Variants in CREBRF observed in about 807,000 individuals in gnomAD.
CREBRF encodes the protein UPF0474 protein C5orf41.
CREBRF carries 5 observed loss-of-function variants against 66.1 expected under a neutral mutation model. The ratio of observed to expected loss-of-function variants is 0.08; its 90% CI spans 0.04 to 0.16. The LOEUF (loss-of-function observed/expected upper bound fraction) is 0.16, where lower values mean the gene tolerates loss of function less well. Ranked by LOEUF, CREBRF falls within the 10% of genes least tolerant of loss-of-function variation. The pLI, the probability that CREBRF is intolerant of heterozygous loss-of-function variation, is 1.00. For missense variants in CREBRF, 531 were observed against 744.9 expected (o/e 0.71, Z 3.34); for synonymous variants, 229 against 264.4 (o/e 0.87, Z 1.30).
At chr5:173,061,756 G>A (rs1274435100) in intron 1 of CREBRF, among the ~76,000 whole-genome samples, 2 of 152,190 alleles carry the variant, frequency 1.3e-5, no homozygotes, top group Non-Finnish European at 2.9e-5. Flanking sequence ...GGCCCAAAAA[G>A]ATACAGGTTA....
At chr5:173,073,980 A>AAAATAAATAAATAAATAAATAAAT (rs56812993) in intron 1 of CREBRF, among the ~76,000 whole-genome samples, 1 of 149,948 alleles carries the variant, frequency 6.7e-6, no homozygotes, top group Admixed American at 6.6e-5. Context: ...ATAAAAAATA[A>AAAATAAATAAATAAATAAATAAAT]AAATAAATAA....
At chr5:173,057,314 A>C (rs1018517010) in intron 1 of CREBRF, 1 of 151,734 alleles carries the variant, frequency 6.6e-6, no homozygotes, top group Non-Finnish European at 1.5e-5. Flanking sequence ...ATGGGAGGGG[A>C]CCAGTGGTGG....
chr5:173,101,302 CT>C (rs1758622552), intron 4 of CREBRF, among the ~76,000 whole-genome samples: 1 of 152,094 alleles, frequency 6.6e-6, no homozygotes, highest in Non-Finnish European at 1.5e-5. Flanking sequence ...AGCATTTTAC[CT>C]GCCTTGGCCT....
At chr5:173,069,598 A>T (rs1757540414) in intron 1 of CREBRF, among the ~76,000 whole-genome samples, 1 of 152,142 alleles carries the variant, frequency 6.6e-6, no homozygotes, top group South Asian at 2.1e-4. Flanking sequence ...CAGGGATTAC[A>T]GGCGTGAGCC....
chr5:173,081,478 A>G (rs1757940068), intron 2 of CREBRF, among the ~76,000 whole-genome samples: 1 of 152,118 alleles, frequency 6.6e-6, no homozygotes, highest in South Asian at 2.1e-4. Flanking sequence ...CCTAGAAGTA[A>G]TGAGTGGGCA....
intron 7 of CREBRF, among the ~76,000 whole-genome samples, chr5:173,121,079 TTTC>T (rs933472577): frequency 6.6e-6 from 1 of 152,158 alleles, no homozygotes; most frequent in Admixed American, 6.5e-5. Context: ...AGCACCATAT[TTTC>T]TTATTATCCT....
chr5:173,129,778 C>T (rs1361034250), intron 8 of CREBRF, among the ~76,000 whole-genome samples: 5 of 149,272 alleles, frequency 3.3e-5, no homozygotes, highest in African/African-American at 4.9e-5. Flanking sequence ...TAAAATGTAA[C>T]TTAATTTTAA....
intron 1 of CREBRF, among the ~76,000 whole-genome samples, chr5:173,077,707 T>C (rs528426047): frequency 2.6e-5 from 4 of 152,152 alleles, no homozygotes; most frequent in Non-Finnish European, 5.9e-5. Flanking sequence ...AGAACACTTT[T>C]ATCATCCCAA....
At chr5:173,099,965 A>T (rs1758575262) in intron 4 of CREBRF, among the ~76,000 whole-genome samples, 1 of 142,552 alleles carries the variant, frequency 7.0e-6, no homozygotes, top group African/African-American at 2.6e-5. Context: ...GTCTTGGCTC[A>T]CTGCAACCTT....
chr5:173,096,117 T>C (rs772706030), intron 4 of CREBRF, among the ~76,000 whole-genome samples: 4 of 152,072 alleles, frequency 2.6e-5, no homozygotes, highest in East Asian at 1.9e-4. Context: ...TACAGGTGCC[T>C]GCCACCAAAC....
chr5:173,120,284 T>C (rs1461727900), intron 7 of CREBRF, among the ~76,000 whole-genome samples: 2 of 152,166 alleles, frequency 1.3e-5, no homozygotes, highest in Admixed American at 6.5e-5. Context: ...CTGGGTTCTT[T>C]TTTTGGGGAA....
chr5:173,090,365 G>T lies in CREBRF; in HGVS notation c.186G>T (p.Leu62Phe), dbSNP rs200282773. 2.3e-5 allele frequency: 37 copies of T among 1,609,182 alleles called. No individual in the cohort carries two copies. Among genetic ancestry groups the T allele is most frequent in the Non-Finnish European group, 2.9e-5 (34 of 1,175,926 alleles). The change falls in exon 4 of 9, where the codon TTG becomes TTT. Residue 62 changes from leucine to phenylalanine, a missense_variant. Leu to Phe is a conservative substitution (Grantham distance 22). Around this residue, in one of 5 missense-constraint regions of CREBRF, gnomAD observed 133 missense variants for 215.6 expected, o/e 0.62. Transcript: ENST00000296953. This position sits in a 1 kb window ranked among gnomAD's most constrained non-coding sequence, Gnocchi z 4.5. ...ATCCTAGAGACAACTTTCTTTCTTT[G>T]GAGGACTGCAAAGACATTGAAAATC... ...QQNPRDNFLSLEDCKDIENLE... is the reference protein window; with the variant it reads ...QQNPRDNFLSFEDCKDIENLE...
chr5:173,107,858 G>A (rs565408049), intron 4 of CREBRF, among the ~76,000 whole-genome samples: 8 of 144,328 alleles, frequency 5.5e-5, no homozygotes, highest in East Asian at 4.0e-4. Flanking sequence ...CAGAGTGAGC[G>A]TCTCATTCTG....
At chr5:173,082,515 AAGAT>A (rs1757986778) in intron 2 of CREBRF, among the ~76,000 whole-genome samples, 1 of 152,092 alleles carries the variant, frequency 6.6e-6, no homozygotes, top group Admixed American at 6.6e-5. Flanking sequence ...CGGTTTGTGA[AAGAT>A]AGAAAGTATA....
chr5:173,090,952 A>C lies in CREBRF; in HGVS notation c.773A>C (p.Asp258Ala), dbSNP rs1758309446. 1.2e-6 allele frequency: 2 copies of C among 1,614,088 alleles called. No individual in the cohort carries two copies. The highest frequency in any genetic ancestry group is 1.7e-6 in the Non-Finnish European group (2 of 1,180,044). The stretch of plus-strand genomic sequence containing the variant: ...CCCTTGTTGAGCCAGATTCACACAG[A>C]TGCAGCAAAGGAGAACACCTGCTAC... ...SRPLLSQIHT[D>A]AAKENTCYCG... is the part of the protein sequence containing the mutation. Residue 258 changes from aspartate (D) to alanine (A), a missense_variant, in exon 4 of 9, where the codon GAT (aspartate) becomes GCT (alanine). Asp to Ala is a moderately radical substitution (Grantham distance 126). Transcript: ENST00000296953. This position sits in a 1 kb window ranked among gnomAD's most constrained non-coding sequence, Gnocchi z 4.5.
intron 2 of CREBRF, among the ~76,000 whole-genome samples, chr5:173,082,491 G>T (rs962773317): frequency 5.9e-5 from 9 of 151,562 alleles, no homozygotes; most frequent in East Asian, 1.9e-4. Context: ...CGATGAGAGG[G>T]TCTATGAAAA....
chr5:173,061,433 A>G (rs533844332), intron 1 of CREBRF, among the ~76,000 whole-genome samples: 7 of 152,370 alleles, frequency 4.6e-5, no homozygotes, highest in South Asian at 4.1e-4. Context: ...CTTCGTTTAC[A>G]TATAAATGTT....
chr5:173,089,855 T>C (rs1385036581), intron 3 of CREBRF, among the ~76,000 whole-genome samples: 5 of 151,988 alleles, frequency 3.3e-5, no homozygotes, highest in African/African-American at 9.7e-5. Context: ...GTAATGAGGG[T>C]GTCTTTATTA....
intron 5 of CREBRF, chr5:173,110,220 T>C (rs1561811858): frequency 2.4e-6 from 1 of 413,370 alleles, no homozygotes; most frequent in East Asian, 5.6e-5. Flanking sequence ...TTGAGATGCT[T>C]AGTATGCCAT....
Sources: gnomAD v4.1 joint callset for allele counts (sites outside exome capture counted in the v4.1 genomes callset) on GRCh38, gnomAD v4.1.1 for gene constraint, gnomAD v4.1.1 regional missense constraint, Gnocchi (gnomAD v3.1) non-coding constraint, MANE v1.5 for transcripts, NCBI Gene and HGNC (gene_info 2026-07-23, HGNC 2026-07-21) for gene names.